Variants in SLC22A3 observed in about 807,000 individuals in gnomAD.
SLC22A3 encodes EMT organic cation transporter 3.
A neutral mutation model predicts 59.1 loss-of-function variants in SLC22A3; 51 were observed. That is an observed-to-expected ratio of 0.86 (90% CI 0.69 to 1.09). The LOEUF is 1.09. Ranked by LOEUF, SLC22A3 falls within the 50% of genes least tolerant of loss-of-function variation. The pLI is 0.00. For synonymous variants in SLC22A3, 325 were observed against 292.0 expected (o/e 1.11, Z -1.15); for missense variants, 711 against 726.3 (o/e 0.98, Z 0.24).
chr6:160,351,579 A>G lies in SLC22A3; in HGVS notation c.429+2731A>G, dbSNP rs34790642. Among the ~76,000 whole-genome samples, 358 of 152,236 alleles carry G rather than the reference A, an allele frequency of 2.4e-3. 2 individuals are homozygous for G. Among genetic ancestry groups the G allele is most frequent in the Non-Finnish European group, 4.1e-3 (276 of 68,004 alleles). ...TATTTTGCTGTCTTTGGTTCAACTA[A>G]TTTTTTTCTTTCAAATTCTGTCTGA... On this transcript the variant is annotated intron_variant, in intron 1 of 10. Coordinates refer to ENST00000275300, the MANE Select transcript of SLC22A3 (RefSeq NM_021977.4).
At chr6:160,437,751 A>C (rs758665253) in intron 7 of SLC22A3, among the ~76,000 whole-genome samples, 1 of 152,254 alleles carries the variant, frequency 6.6e-6, no homozygotes, top group South Asian at 2.1e-4. Flanking sequence ...GGAGTGATCA[A>C]TCCAGAAGGG....
chr6:160,438,493 G>A (rs190640036), intron 7 of SLC22A3, among the ~76,000 whole-genome samples: 1 of 152,096 alleles, frequency 6.6e-6, no homozygotes, highest in African/African-American at 2.4e-5. Flanking sequence ...TTACAGATGA[G>A]TTTATTAATT....
At chr6:160,401,686 T>A (rs1293197266) in intron 2 of SLC22A3, among the ~76,000 whole-genome samples, 1 of 151,934 alleles carries the variant, frequency 6.6e-6, no homozygotes, top group East Asian at 1.9e-4. Context: ...ATAGCAACAA[T>A]GTGTTTGGTT....
At chr6:160,381,049 C>G (rs1489740564) in intron 1 of SLC22A3, among the ~76,000 whole-genome samples, 4 of 152,074 alleles carry the variant, frequency 2.6e-5, no homozygotes, top group African/African-American at 9.7e-5. Context: ...TGCCAGGACA[C>G]AATGAGAAAG....
intron 2 of SLC22A3, among the ~76,000 whole-genome samples, chr6:160,399,890 G>T (rs78439586): frequency 6.6e-6 from 1 of 151,846 alleles, no homozygotes; most frequent in African/African-American, 2.4e-5. Context: ...GCATCACCCC[G>T]CACCCCCAAC....
Position 160,451,513 on chromosome 6 carries a change from T to C in SLC22A3, c.*457T>C, listed in dbSNP as rs78995511. 9.5e-3 allele frequency: 1,643 copies of C among 172,960 alleles called. 32 individuals are homozygous for C. Among genetic ancestry groups the C allele is most frequent in the African/African-American group, 0.037 (1,545 of 41,956 alleles). The allele number at this position is 172,960 out of a possible 1,614,324, so 10.7% of individuals were successfully genotyped here. On this transcript the variant is annotated 3_prime_UTR_variant, in exon 11 of 11. Transcript: ENST00000275300. Reference sequence around the variant, plus strand: ...CCTAGCTGACCATTCATTCTGAAGATTGCATGGAGGATGAACATCTGGGAA... The same window carrying C: ...CCTAGCTGACCATTCATTCTGAAGACTGCATGGAGGATGAACATCTGGGAA...
In SLC22A3 at chr6:160,348,456, G is replaced by C. The variant is rs751402095; in HGVS notation, c.37G>C (p.Glu13Gln). ...SFDEALQRVG[E>Q]FGRFQRRVFL... ...CGACGAGGCGCTGCAGCGGGTGGGC[G>C]AGTTCGGGCGCTTCCAGAGGCGCGT... is the stretch of plus-strand genomic sequence containing the variant. The change falls in exon 1 of 11, where the codon GAG becomes CAG. Residue 13 changes from glutamate to glutamine, a missense_variant. By Grantham distance (29) the Glu-to-Gln change is conservative. Coordinates refer to ENST00000275300, the MANE Select transcript of SLC22A3 (RefSeq NM_021977.4). The C allele has an allele frequency of 1.3e-6, 2 of 1,533,592 alleles. No individual in the cohort carries two copies. 95.0% of individuals were successfully genotyped at this position (1,533,592 alleles called of 1,614,324 possible).
chr6:160,361,218 A>G (rs778099926), intron 1 of SLC22A3, among the ~76,000 whole-genome samples: 2 of 152,240 alleles, frequency 1.3e-5, no homozygotes, highest in African/African-American at 2.4e-5. Context: ...AGAATGATCA[A>G]TCTGCCTATC....
rs181093324 is a variant in SLC22A3 at position 160,394,500 on chromosome 6, A to T, written c.430-3479A>T. 5.9e-5 allele frequency among the ~76,000 whole-genome samples: 9 copies of T among 152,358 alleles called. 1 individual carries two copies. The East Asian group carries it at 1.7e-3, about 29-fold the overall frequency. ...TCTGCCCCCTGACTCTATGAGCAAG[A>T]GTCAACATCAAGCCCTTCAATCCTT... On this transcript the variant is annotated intron_variant, in intron 1 of 10. Coordinates refer to ENST00000275300, the MANE Select transcript of SLC22A3 (RefSeq NM_021977.4).
intron 1 of SLC22A3, among the ~76,000 whole-genome samples, chr6:160,397,690 C>T (rs1197750803): frequency 1.3e-5 from 2 of 148,354 alleles, no homozygotes; most frequent in African/African-American, 2.5e-5. Context: ...GCAGAGATTG[C>T]TCCACTACAC....
At chr6:160,418,933 AGT>A (rs1382747118) in intron 5 of SLC22A3, among the ~76,000 whole-genome samples, 1 of 152,210 alleles carries the variant, frequency 6.6e-6, no homozygotes, top group Non-Finnish European at 1.5e-5. Flanking sequence ...TATTGTTTAT[AGT>A]GAATCTACTG....
At chr6:160,387,282 G>T (rs201176522) in intron 1 of SLC22A3, among the ~76,000 whole-genome samples, 1 of 152,330 alleles carries the variant, frequency 6.6e-6, no homozygotes, top group East Asian at 1.9e-4. Flanking sequence ...AAAGAGTGGT[G>T]GGGGAGGAGC....
intron 1 of SLC22A3, among the ~76,000 whole-genome samples, chr6:160,362,533 A>C (rs1331538850): frequency 6.6e-6 from 1 of 152,148 alleles, no homozygotes; most frequent in Non-Finnish European, 1.5e-5. Flanking sequence ...TAGTGTCTCC[A>C]TGTGAGTTTC....
rs1788642645 is a variant in SLC22A3 at position 160,443,840 on chromosome 6, T to A, written c.1510+98T>A. 5 of 534,346 alleles carry A rather than the reference T, an allele frequency of 9.4e-6. No individual in the cohort carries two copies. The Admixed American group carries it at 1.6e-4, about 17-fold the overall frequency. 33.1% of individuals were successfully genotyped at this position (534,346 alleles called of 1,614,324 possible). On this transcript the variant is annotated intron_variant, in intron 9 of 10. Transcript: ENST00000275300. ...TTAGGTTCAATAATGATAATGATAG[T>A]CATTTATCTTATTATAATAACTATT...
rs781457759 is a variant in SLC22A3 at position 160,348,466 on chromosome 6, G to A, written c.47G>A (p.Arg16His). The A allele has an allele frequency of 6.5e-6, 10 of 1,539,538 alleles. No individual in the cohort carries two copies. In the Admixed American group the frequency reaches 1.1e-4, roughly 17 times the overall value. Residue 16 changes from arginine to histidine, a missense_variant, in exon 1 of 11, where the codon CGC becomes CAC. Coordinates refer to ENST00000275300, the MANE Select transcript of SLC22A3 (RefSeq NM_021977.4). ...CTGCAGCGGGTGGGCGAGTTCGGGC[G>A]CTTCCAGAGGCGCGTGTTTTTGCTG... ...EALQRVGEFG[R>H]FQRRVFLLLC...
chr6:160,350,523 C>T (rs917912730), intron 1 of SLC22A3, among the ~76,000 whole-genome samples: 1 of 152,170 alleles, frequency 6.6e-6, no homozygotes, highest in Non-Finnish European at 1.5e-5. Flanking sequence ...TAGGTGGCTT[C>T]TTCCACTCCA....
At chr6:160,350,300 G>GT (rs1358086705) in intron 1 of SLC22A3, among the ~76,000 whole-genome samples, 1 of 151,928 alleles carries the variant, frequency 6.6e-6, no homozygotes, top group African/African-American at 2.4e-5. Context: ...CGCACACTGA[G>GT]TGGCTCTATG....
chr6:160,356,516 T>C (rs1784846696), intron 1 of SLC22A3, among the ~76,000 whole-genome samples: 1 of 152,170 alleles, frequency 6.6e-6, no homozygotes, highest in East Asian at 1.9e-4. Context: ...CAATCGAGCC[T>C]GCTCCAGGGC....
At chr6:160,385,017 C>T (rs1785945229) in intron 1 of SLC22A3, among the ~76,000 whole-genome samples, 1 of 152,226 alleles carries the variant, frequency 6.6e-6, no homozygotes. Context: ...CAGTGGGCAG[C>T]TCCCTGCCTC....
Sources: gnomAD v4.1 joint callset for allele counts (sites outside exome capture counted in the v4.1 genomes callset) on GRCh38, gnomAD v4.1.1 for gene constraint, MANE v1.5 for transcripts, NCBI Gene and HGNC (gene_info 2026-07-23, HGNC 2026-07-21) for gene names.